The following AMBRA1 variants were observed in gnomAD, a reference collection of about 807,000 sequenced individuals.
AMBRA1 encodes the protein autophagy and beclin 1 regulator 1.
In AMBRA1, 47 loss-of-function variants were observed where a neutral mutation model predicts 125.4. The observed-to-expected ratio is 0.37, with a 90% CI of 0.30 to 0.48. AMBRA1 has a LOEUF of 0.48. Ranked by LOEUF, AMBRA1 falls within the 20% of genes least tolerant of loss-of-function variation. AMBRA1 has a pLI of 0.99. For synonymous variants in AMBRA1, 626 were observed against 655.5 expected (o/e 0.95, Z 0.69); for missense variants, 1,331 against 1,693.4 (o/e 0.79, Z 3.76).
chr11:46,460,942 T>A (rs951523527), intron 11 of AMBRA1, among the ~76,000 whole-genome samples: 2 of 152,058 alleles, frequency 1.3e-5, no homozygotes, highest in Non-Finnish European at 2.9e-5. Context: ...AATGAATTAA[T>A]TAAATAAAAA....
At chr11:46,433,997 A>G (rs754177766) in intron 13 of AMBRA1, among the ~76,000 whole-genome samples, 11 of 151,588 alleles carry the variant, frequency 7.3e-5, no homozygotes, top group Non-Finnish European at 1.2e-4. Flanking sequence ...TGCCTGTAAT[A>G]CTAGCTACTC....
At chr11:46,500,251 C>G (rs1486530879) in intron 9 of AMBRA1, among the ~76,000 whole-genome samples, 3 of 152,148 alleles carry the variant, frequency 2.0e-5, no homozygotes, top group South Asian at 4.1e-4. Flanking sequence ...TAGTTCAAAA[C>G]TGGATCCAGT....
chr11:46,502,034 C>G (rs1950859469), intron 9 of AMBRA1, among the ~76,000 whole-genome samples: 1 of 152,108 alleles, frequency 6.6e-6, no homozygotes, highest in South Asian at 2.1e-4. Flanking sequence ...CAAAAATTAT[C>G]TGGAAAATAA....
chr11:46,481,103 TC>T (rs1049417355), intron 11 of AMBRA1, among the ~76,000 whole-genome samples: 1 of 152,176 alleles, frequency 6.6e-6, no homozygotes, highest in Non-Finnish European at 1.5e-5. Flanking sequence ...CTGTTCAGAT[TC>T]CATCTCAAAA....
chr11:46,465,848 C>T (rs1590877052), intron 11 of AMBRA1, among the ~76,000 whole-genome samples: 1 of 152,326 alleles, frequency 6.6e-6, no homozygotes, highest in East Asian at 1.9e-4. Flanking sequence ...AATTGTGCAA[C>T]TGTCCATGCT....
intron 17 of AMBRA1, among the ~76,000 whole-genome samples, chr11:46,401,588 G>C (rs1043273709): frequency 2.0e-5 from 3 of 152,156 alleles, no homozygotes; most frequent in Admixed American, 6.6e-5. Context: ...GGGGCCCTAT[G>C]GGTGCTGCTG....
intron 9 of AMBRA1, among the ~76,000 whole-genome samples, chr11:46,499,433 A>G (rs1565222365): frequency 6.6e-6 from 1 of 152,202 alleles, no homozygotes; most frequent in African/African-American, 2.4e-5. Flanking sequence ...TTCTAATTCT[A>G]GAATCCTAAA....
intron 15 of AMBRA1, among the ~76,000 whole-genome samples, chr11:46,411,383 G>A (rs1438854909): frequency 6.6e-6 from 1 of 151,448 alleles, no homozygotes; most frequent in Non-Finnish European, 1.5e-5. Context: ...TGGAAGACGA[G>A]GGACTGTGTC....
intron 1 of AMBRA1, among the ~76,000 whole-genome samples, chr11:46,580,994 A>AT (rs1422247882): frequency 6.6e-6 from 1 of 151,844 alleles, no homozygotes; most frequent in Non-Finnish European, 1.5e-5. Context: ...GGATCTTACC[A>AT]TGTCACCCAT....
At chr11:46,400,644 C>A (rs910998680) in intron 17 of AMBRA1, among the ~76,000 whole-genome samples, 4 of 151,764 alleles carry the variant, frequency 2.6e-5, no homozygotes, top group Non-Finnish European at 5.9e-5. Context: ...GCAAGCACCA[C>A]TCCTGGCTAA....
chr11:46,464,722 G>C (rs1303224238), intron 11 of AMBRA1, among the ~76,000 whole-genome samples: 1 of 151,976 alleles, frequency 6.6e-6, no homozygotes, highest in East Asian at 1.9e-4. Context: ...AACCAATCCA[G>C]AGTCCATACC....
intron 1 of AMBRA1, among the ~76,000 whole-genome samples, chr11:46,564,886 T>C (rs570522898): frequency 6.6e-6 from 1 of 152,310 alleles, no homozygotes; most frequent in African/African-American, 2.4e-5. Context: ...TATTATTTCT[T>C]CGATATCTAC....
At position 46,542,648 on chromosome 11, in the gene AMBRA1, C is replaced by G. The variant is rs1329362186; in HGVS notation, c.1369G>C (p.Gly457Arg). Residue 457 changes from glycine to arginine, a missense_variant, in exon 7 of 18, where the codon GGC becomes CGC. Physicochemically the swap from Gly to Arg is moderately radical, Grantham distance 125. Around this residue, in one of 4 missense-constraint regions of AMBRA1, gnomAD observed 689 missense variants for 776.5 expected, o/e 0.89. Transcript: ENST00000683756. This position sits in a 1 kb window ranked among gnomAD's most constrained non-coding sequence, Gnocchi z 5.9. ...LLSVLRQQEG[G>R]SQASVYTSAT... ...GAAGTGTACACAGATGCCTGAGAGCCACCTTCCTGCTGTCTCAGCACAGAC... is the reference window on the plus strand; with the variant it reads ...GAAGTGTACACAGATGCCTGAGAGCGACCTTCCTGCTGTCTCAGCACAGAC... The G allele has an allele frequency of 6.2e-7, 1 of 1,614,198 alleles. No homozygotes were observed. Among genetic ancestry groups the G allele is most frequent in the African/African-American group, 1.3e-5 (1 of 75,062 alleles).
intron 12 of AMBRA1, among the ~76,000 whole-genome samples, chr11:46,443,011 C>G (rs1008205002): frequency 2.6e-5 from 4 of 152,038 alleles, no homozygotes; most frequent in Admixed American, 6.5e-5. Flanking sequence ...CGTGAGCCAC[C>G]GCACCCAGCC....
At chr11:46,503,052 C>A (rs1181903018) in intron 9 of AMBRA1, among the ~76,000 whole-genome samples, 3 of 110,992 alleles carry the variant, frequency 2.7e-5, no homozygotes, top group Non-Finnish European at 5.0e-5. Context: ...CAGAGCGAGA[C>A]TCTGTCTCAA....
Position 46,440,925 on chromosome 11 carries a change from G to A in AMBRA1, c.2632+2563C>T, listed in dbSNP as rs143267853. On this transcript the variant is annotated intron_variant, in intron 12 of 17. Coordinates refer to ENST00000683756, the MANE Select transcript of AMBRA1 (RefSeq NM_001387011.1). ...CATACAGACAAGATAGAAAAATGTC[G>A]TCCTCAGATATGAACAACCAAGCCC... Among the ~76,000 whole-genome samples, 732 of 152,224 alleles carry A rather than the reference G, an allele frequency of 4.8e-3. 9 individuals carry two copies. Among genetic ancestry groups the A allele is most frequent in the South Asian group, 0.042 (201 of 4,822 alleles).
intron 11 of AMBRA1, among the ~76,000 whole-genome samples, chr11:46,485,693 A>G (rs1405343709): frequency 2.0e-5 from 3 of 152,238 alleles, no homozygotes; most frequent in Non-Finnish European, 4.4e-5. Flanking sequence ...GGTAAAGCAT[A>G]AGTGGGGAAA....
chr11:46,482,394 C>T (rs1254814699), intron 11 of AMBRA1, among the ~76,000 whole-genome samples: 3 of 152,132 alleles, frequency 2.0e-5, no homozygotes, highest in Non-Finnish European at 2.9e-5. Flanking sequence ...CAACGGAAAC[C>T]GTAAAAGACT....
chr11:46,517,441 G>A (rs368255560), intron 7 of AMBRA1, among the ~76,000 whole-genome samples: 11 of 142,366 alleles, frequency 7.7e-5, no homozygotes, highest in Admixed American at 5.6e-4. Flanking sequence ...AAGCCACCGC[G>A]CCCGGCTAGA....
Sources: gnomAD v4.1 joint callset for allele counts (sites outside exome capture counted in the v4.1 genomes callset) on GRCh38, gnomAD v4.1.1 for gene constraint, gnomAD v4.1.1 regional missense constraint, Gnocchi (gnomAD v3.1) non-coding constraint, MANE v1.5 for transcripts, NCBI Gene and HGNC (gene_info 2026-07-23, HGNC 2026-07-21) for gene names.